CDHR3: variants seen among roughly 807,000 people sequenced by gnomAD.
CDHR3 encodes the protein cadherin-related family member 3.
Under a neutral mutation model 86.6 loss-of-function variants are expected in CDHR3, and 79 were observed. That is an observed-to-expected ratio of 0.91 (90% CI 0.76 to 1.10). The LOEUF (loss-of-function observed/expected upper bound fraction) is 1.10, where lower values mean the gene tolerates loss of function less well. Ranked by LOEUF, CDHR3 falls within the 50% of genes least tolerant of loss-of-function variation. CDHR3 has a pLI of 0.00. For missense variants in CDHR3, 1,081 were observed against 1,077.6 expected (o/e 1.00, Z -0.04); for synonymous variants, 421 against 402.4 (o/e 1.05, Z -0.55).
At chr7:105,994,090 C>T (rs2115746512) in intron 4 of CDHR3, among the ~76,000 whole-genome samples, 1 of 152,310 alleles carries the variant, frequency 6.6e-6, no homozygotes, top group East Asian at 1.9e-4. Flanking sequence ...CTCAGCTCAC[C>T]CTTGTCCCTT....
At chr7:106,010,316 C>T (rs1477892578) in intron 8 of CDHR3, among the ~76,000 whole-genome samples, 2 of 152,164 alleles carry the variant, frequency 1.3e-5, no homozygotes, top group African/African-American at 4.8e-5. Context: ...TTCCCCTGTG[C>T]AGTGGGGACA....
At chr7:106,006,354 CA>C (rs1414537608) in intron 8 of CDHR3, among the ~76,000 whole-genome samples, 4 of 152,174 alleles carry the variant, frequency 2.6e-5, no homozygotes, top group African/African-American at 9.7e-5. Flanking sequence ...AACAGTCATC[CA>C]AAGTCTTTAC....
chr7:106,005,307 C>G (rs1030564074), intron 8 of CDHR3, among the ~76,000 whole-genome samples: 1 of 152,214 alleles, frequency 6.6e-6, no homozygotes, highest in Non-Finnish European at 1.5e-5. Context: ...AATCTATTTG[C>G]TATTATTTTA....
chr7:105,968,957 G>A (rs1014743856), intron 1 of CDHR3, among the ~76,000 whole-genome samples: 6 of 151,430 alleles, frequency 4.0e-5, no homozygotes, highest in East Asian at 1.9e-4. Context: ...GCGTGGTGGC[G>A]GGCACCTGTA....
At chr7:105,977,382 G>A (rs1230546092) in intron 2 of CDHR3, among the ~76,000 whole-genome samples, 1 of 152,152 alleles carries the variant, frequency 6.6e-6, no homozygotes, top group African/African-American at 2.4e-5. Context: ...ATTCAAGCAG[G>A]GCTGTTAATC....
intron 4 of CDHR3, among the ~76,000 whole-genome samples, chr7:105,994,468 C>T (rs576592985): frequency 6.6e-6 from 1 of 152,192 alleles, no homozygotes; most frequent in Non-Finnish European, 1.5e-5. Flanking sequence ...GACTCAGAAG[C>T]AGAGCCTGCC....
intron 18 of CDHR3, among the ~76,000 whole-genome samples, chr7:106,032,085 T>A (rs1048050527): frequency 1.3e-5 from 2 of 152,208 alleles, no homozygotes; most frequent in African/African-American, 2.4e-5. Flanking sequence ...AAAGCTTGCA[T>A]GGAGTTCAAG....
intron 8 of CDHR3, among the ~76,000 whole-genome samples, chr7:106,009,294 G>GC (rs1834407519): frequency 6.6e-6 from 1 of 152,168 alleles, no homozygotes; most frequent in African/African-American, 2.4e-5. Context: ...AGTTCCAGGG[G>GC]CGGAGGTCTT....
At chr7:105,990,818 G>A (rs1002461654) in intron 4 of CDHR3, among the ~76,000 whole-genome samples, 11 of 152,180 alleles carry the variant, frequency 7.2e-5, no homozygotes, top group African/African-American at 2.4e-4. Context: ...TGGAGGTGGC[G>A]TTCCCCTCGT....
intron 9 of CDHR3, 99 bp from the exon 10 acceptor site, chr7:106,015,012 C>A: frequency 1.1e-6 from 1 of 949,928 alleles, no homozygotes; most frequent in Non-Finnish European, 1.5e-6. Flanking sequence ...AGCGTTTTGC[C>A]AATTTATATA....
chr7:105,984,516 C>A (rs562148608), intron 4 of CDHR3, among the ~76,000 whole-genome samples: 64 of 152,220 alleles, frequency 4.2e-4, no homozygotes, highest in African/African-American at 1.5e-3. Context: ...CCATTTGTTA[C>A]CTCTCTAAGT....
At chr7:105,989,707 T>C (rs1831075975) in intron 4 of CDHR3, among the ~76,000 whole-genome samples, 1 of 152,144 alleles carries the variant, frequency 6.6e-6, no homozygotes, top group African/African-American at 2.4e-5. Context: ...TTCAGGTCCA[T>C]TGGGCAGTCC....
intron 6 of CDHR3, among the ~76,000 whole-genome samples, chr7:105,998,040 G>T (rs1481765117): frequency 6.6e-6 from 1 of 152,118 alleles, no homozygotes. Context: ...GAAGGAGTGG[G>T]GGCAGGGTGG....
chr7:105,992,482 A>G (rs1831507209), intron 4 of CDHR3, among the ~76,000 whole-genome samples: 1 of 152,062 alleles, frequency 6.6e-6, no homozygotes, highest in Admixed American at 6.5e-5. Flanking sequence ...TGGGATTTAA[A>G]CCCCACACCT....
At chr7:105,998,057 A>G (rs1327754759) in intron 6 of CDHR3, among the ~76,000 whole-genome samples, 1 of 152,120 alleles carries the variant, frequency 6.6e-6, no homozygotes, top group Non-Finnish European at 1.5e-5. Context: ...GTGGCTGCCC[A>G]GGCTTGGCTC....
chr7:106,030,872 C>G lies in CDHR3; in HGVS notation c.2353+32C>G. 2.5e-6 allele frequency: 4 copies of G among 1,581,558 alleles called. No individual in the cohort carries two copies. Among genetic ancestry groups the G allele is most frequent in the Non-Finnish European group, 3.5e-6 (4 of 1,156,308 alleles). On this transcript the variant is annotated intron_variant, in intron 18 of 18. Transcript: ENST00000317716. This position sits in a 1 kb window ranked among gnomAD's most constrained non-coding sequence, Gnocchi z 4.8. ...AAGTGGCAATACCACTGTAAGAATGCTTTTTATATTCCAGACTGGTAGAAG... is the reference window on the plus strand; with the variant it reads ...AAGTGGCAATACCACTGTAAGAATGGTTTTTATATTCCAGACTGGTAGAAG...
At chr7:105,991,784 A>G (rs1032716413) in intron 4 of CDHR3, among the ~76,000 whole-genome samples, 1 of 152,250 alleles carries the variant, frequency 6.6e-6, no homozygotes, top group African/African-American at 2.4e-5. Context: ...ATAGCAGTGA[A>G]TAAAATGAAG....
intron 7 of CDHR3, among the ~76,000 whole-genome samples, chr7:106,002,432 G>A (rs1177298349): frequency 6.6e-6 from 1 of 151,908 alleles, no homozygotes; most frequent in Non-Finnish European, 1.5e-5. Context: ...AGGTCCGTTT[G>A]TTCAGATTCT....
At position 105,985,308 on chromosome 7, in the gene CDHR3, C is replaced by T. The variant is rs529464096; in HGVS notation, c.513+1019C>T. ...TCTGCCCACTAATGTGGCCTGTGCACACACTGCAGCTGAGCAGTCCAGGTT... is the reference window on the plus strand; with the variant it reads ...TCTGCCCACTAATGTGGCCTGTGCATACACTGCAGCTGAGCAGTCCAGGTT... On this transcript the variant is annotated intron_variant, in intron 4 of 18. Coordinates refer to ENST00000317716, the MANE Select transcript of CDHR3 (RefSeq NM_152750.5). Among the ~76,000 whole-genome samples the T allele has an allele frequency of 1.7e-3, 254 of 152,284 alleles. 1 individual carries two copies. The highest frequency in any genetic ancestry group is 5.8e-3 in the African/African-American group (241 of 41,540).
Sources: allele counts gnomAD v4.1 joint callset (sites outside exome capture counted in the v4.1 genomes callset), GRCh38; gene constraint gnomAD v4.1.1; non-coding constraint Gnocchi (gnomAD v3.1); transcripts MANE v1.5; gene names NCBI Gene and HGNC (gene_info 2026-07-23, HGNC 2026-07-21).